Variants in TAC3 observed in about 807,000 individuals in gnomAD.
TAC3 encodes tachykinin-3.
TAC3 carries 9 observed loss-of-function variants against 16.5 expected under a neutral mutation model. That is an observed-to-expected ratio of 0.55 (90% CI 0.33 to 0.95). The LOEUF (loss-of-function observed/expected upper bound fraction) is 0.95, where lower values mean the gene tolerates loss of function less well. Among genes scored for constraint, TAC3 ranks in the 40% least tolerant of loss-of-function variants. The pLI is 0.03. For missense variants in TAC3, 129 were observed against 149.1 expected (o/e 0.87, Z 0.70); for synonymous variants, 52 against 56.7 (o/e 0.92, Z 0.37).
chr12:57,012,792 C>T, intron 5 of TAC3, 30 bp downstream of exon 5: 1 of 1,614,134 alleles, frequency 6.2e-7, no homozygotes, highest in Non-Finnish European at 8.5e-7. Flanking sequence ...GTACCCTAAG[C>T]CCTTCCACTG....
chr12:57,010,313 C>CAA (rs201412483), intron 6 of TAC3, 25 bp from the exon 7 acceptor site: 4 of 374,496 alleles, frequency 1.1e-5, no homozygotes, highest in South Asian at 2.0e-5. Context: ...CAAAACAAAA[C>CAA]AAAAAAAAAC....
intron 5 of TAC3, 153 bp from the exon 6 acceptor site, chr12:57,012,605 G>A: frequency 6.2e-7 from 1 of 1,611,630 alleles, no homozygotes; most frequent in Admixed American, 1.7e-5. Context: ...CTTCCTCCCA[G>A]CTGCAACAGG....
chr12:57,012,573 G>A (rs756409820), intron 5 of TAC3, 121 bp from the exon 6 acceptor site: 1 of 1,600,492 alleles, frequency 6.2e-7, no homozygotes, highest in African/African-American at 1.3e-5. Flanking sequence ...GGAGACTGGG[G>A]TGGAAGCAGA....
chr12:57,014,471 C>A (rs762366375), intron 2 of TAC3, among the ~76,000 whole-genome samples: 19 of 152,184 alleles, frequency 1.2e-4, no homozygotes, highest in Non-Finnish European at 2.5e-4. Flanking sequence ...CCTAGGCACA[C>A]CTATGTACTA....
chr12:57,013,273 G>A, intron 4 of TAC3, 86 bp downstream of exon 4: 1 of 1,510,556 alleles, frequency 6.6e-7, no homozygotes, highest in East Asian at 2.3e-5. Context: ...GGTGAGAAGG[G>A]GCTGGACAAA....
rs909450876 is a variant in TAC3 at position 57,015,692 on chromosome 12, G to A, written c.106C>T (p.Arg36Cys). The A allele has an allele frequency of 7.4e-6, 12 of 1,613,508 alleles. No homozygotes were observed. The highest frequency in any genetic ancestry group is 3.3e-5 in the South Asian group (3 of 91,066). ...PQEEVVPGGG[R>C]SKRDPDLYQL... ...TGCCAGGGGAGACTTACCTTGCTGC[G>A]GCCCCCGCCAGGAACCACCTCCTCC... The change falls in exon 2 of 7, where the codon CGC (arginine) becomes TGC (cysteine). Residue 36 changes from arginine (R) to cysteine (C), a missense_variant. Arg to Cys is a radical substitution (Grantham distance 180). Transcript: ENST00000458521.
chr12:57,011,169 T>C (rs1013259448), intron 6 of TAC3, among the ~76,000 whole-genome samples: 2 of 152,156 alleles, frequency 1.3e-5, no homozygotes, highest in Non-Finnish European at 2.9e-5. Flanking sequence ...TTGTGCCCTC[T>C]CACCCAACAC....
chr12:57,012,561 T>C (rs1234679367), intron 5 of TAC3, 109 bp from the exon 6 acceptor site: 5 of 1,602,696 alleles, frequency 3.1e-6, no homozygotes, highest in African/African-American at 1.3e-5. Flanking sequence ...AAGACAGAGT[T>C]GGGAGACTGG....
chr12:57,015,779 A>T lies in TAC3; in HGVS notation c.19T>A (p.Phe7Ile). The T allele has an allele frequency of 6.2e-7, 1 of 1,614,150 alleles. No homozygotes were observed. Among genetic ancestry groups the T allele is most frequent in the African/African-American group, 1.3e-5 (1 of 75,072 alleles). Reference protein sequence around the residue: MRIMLLFTAILAFSLAQ... With the variant: MRIMLLITAILAFSLAQ... Reference sequence around the variant, plus strand: ...AGGCTGAAGGCCAGGATGGCTGTGAATAGCAGCATGATCCTCATGGTGCCT... The same window carrying T: ...AGGCTGAAGGCCAGGATGGCTGTGATTAGCAGCATGATCCTCATGGTGCCT... Residue 7 changes from phenylalanine to isoleucine, a missense_variant, in exon 2 of 7, where the codon TTC (phenylalanine) becomes ATC (isoleucine). Transcript: ENST00000458521.
chr12:57,012,541 G>T, intron 5 of TAC3, 89 bp from the exon 6 acceptor site: 3 of 1,600,280 alleles, frequency 1.9e-6, no homozygotes, highest in Admixed American at 1.7e-5. Flanking sequence ...GCTATGACGG[G>T]CAGTGTTCAA....
Position 57,012,393 on chromosome 12 carries a change from G to A in TAC3, c.352C>T (p.Pro118Ser), listed in dbSNP as rs758358055. 30 of 1,613,848 alleles carry A rather than the reference G, an allele frequency of 1.9e-5. No homozygotes were observed. The highest frequency in any genetic ancestry group is 2.4e-5 in the Non-Finnish European group (28 of 1,179,996). Residue 118 changes from proline (P) to serine (S), a missense_variant, in exon 6 of 7, where the codon CCG becomes TCG. Coordinates refer to ENST00000458521, the MANE Select transcript of TAC3 (RefSeq NM_013251.4). ...CAATCCTTACCCTATTCTGCTCTCG[G>A]GGGATACTTGAGGATGCCAAAGCTG... is the stretch of plus-strand genomic sequence containing the variant. ...VPSFGILKYP[P>S]RAE
At chr12:57,016,288 C>A in intron 1 of TAC3, 99 bp downstream of exon 1, 1 of 363,274 alleles carries the variant, frequency 2.8e-6, no homozygotes, top group South Asian at 2.0e-5. Context: ...GTCCCCTGCT[C>A]CCCTATCAGA....
Position 57,012,850 on chromosome 12 carries a change from T to C in TAC3, c.264A>G (p.Gly88=). 1 of 1,614,054 alleles carries C rather than the reference T, an allele frequency of 6.2e-7. No individual in the cohort carries two copies. Among genetic ancestry groups the C allele is most frequent in the Non-Finnish European group, 8.5e-7 (1 of 1,179,992 alleles). Reference sequence around the variant, plus strand: ...GCTGGACGCTCCTCTTGCCCATAAGTCCCACAAAGAAGTCATGCATGTCAC... The same window carrying C: ...GCTGGACGCTCCTCTTGCCCATAAGCCCCACAAAGAAGTCATGCATGTCAC... ...EKRDMHDFFV[G]LMGKRSVQPD... Residue 88 remains glycine, a synonymous_variant, in exon 5 of 7, where the codon GGA becomes GGG. Transcript: ENST00000458521.
intron 2 of TAC3, among the ~76,000 whole-genome samples, chr12:57,015,237 A>G (rs888045539): frequency 1.3e-5 from 2 of 152,332 alleles, no homozygotes; most frequent in Admixed American, 1.3e-4. Context: ...TGAAAATAAA[A>G]CAATACACAT....
chr12:57,011,580 G>T (rs1309122051), intron 6 of TAC3, among the ~76,000 whole-genome samples: 2 of 152,130 alleles, frequency 1.3e-5, no homozygotes, highest in Non-Finnish European at 2.9e-5. Flanking sequence ...GGAAACATTA[G>T]GACATCCCCC....
chr12:57,015,732 G>T lies in TAC3; in HGVS notation c.66C>A (p.Val22=). The change falls in exon 2 of 7, where the codon GTC becomes GTA. Residue 22 remains valine (V), a synonymous_variant. Coordinates refer to ENST00000458521, the MANE Select transcript of TAC3 (RefSeq NM_013251.4). Reference sequence around the variant, plus strand: ...CCACCTCCTCCTGTGGCTCCTTACAGACAGCCCCAAAGCTCTGAGCTAGGC... The same window carrying T: ...CCACCTCCTCCTGTGGCTCCTTACATACAGCCCCAAAGCTCTGAGCTAGGC... The part of the protein sequence containing the change: ...AFSLAQSFGA[V]CKEPQEEVVP... The T allele has an allele frequency of 6.2e-7, 1 of 1,614,144 alleles. No individual in the cohort carries two copies. The highest frequency in any genetic ancestry group is 1.1e-5 in the South Asian group (1 of 91,068).
chr12:57,012,612 CA>C, intron 5 of TAC3, 160 bp from the exon 6 acceptor site: 1 of 1,612,758 alleles, frequency 6.2e-7, no homozygotes, highest in Non-Finnish European at 8.5e-7. Flanking sequence ...CCAGCTGCAA[CA>C]GGACTACCTT....
chr12:57,011,185 G>T (rs910943141), intron 6 of TAC3, among the ~76,000 whole-genome samples: 2 of 152,134 alleles, frequency 1.3e-5, no homozygotes, highest in Non-Finnish European at 2.9e-5. Flanking sequence ...AACACTAAAT[G>T]GGGGGCCAGA....
At chr12:57,014,253 C>T (rs1387387948) in intron 2 of TAC3, among the ~76,000 whole-genome samples, 2 of 151,122 alleles carry the variant, frequency 1.3e-5, no homozygotes, top group Admixed American at 6.6e-5. Context: ...TAGCAACTTG[C>T]GTACAGCAGG....
Sources: allele counts gnomAD v4.1 joint callset (sites outside exome capture counted in the v4.1 genomes callset), GRCh38; gene constraint gnomAD v4.1.1; transcripts MANE v1.5; gene names NCBI Gene and HGNC (gene_info 2026-07-23, HGNC 2026-07-21).